Variants in TMEM201 observed in about 807,000 individuals in gnomAD.
TMEM201 encodes transmembrane protein 201.
Under a neutral mutation model 63.4 loss-of-function variants are expected in TMEM201, and 26 were observed. The ratio of observed to expected loss-of-function variants is 0.41; its 90% CI spans 0.30 to 0.57. The LOEUF is 0.57. Among genes scored for constraint, TMEM201 ranks in the 20% least tolerant of loss-of-function variants. The probability of loss-of-function intolerance (pLI) is 0.29; values close to 1 mark genes in which losing one functional copy is unlikely to be tolerated. For missense variants in TMEM201, 794 were observed against 917.7 expected (o/e 0.87, Z 1.74); for synonymous variants, 417 against 421.6 (o/e 0.99, Z 0.14).
intron 1 of TMEM201, among the ~76,000 whole-genome samples, chr1:9,592,805 A>G (rs1319836968): frequency 3.9e-5 from 6 of 152,274 alleles, no homozygotes; most frequent in Non-Finnish European, 7.4e-5. Flanking sequence ...CAGGCTTCCC[A>G]GGGGCTCGGC....
Position 9,605,170 on chromosome 1 carries a change from G to A in TMEM201, c.1161-2387G>A, listed in dbSNP as rs1189058467. Among the ~76,000 whole-genome samples, 4 of 152,162 alleles carry A rather than the reference G, an allele frequency of 2.6e-5. No individual in the cohort carries two copies. The highest frequency in any genetic ancestry group is 2.1e-4 in the South Asian group (1 of 4,824). ...GTCTCAATAAACTGTTGCTTAAAAC[G>A]TGGTCTCTCTCCTTCCACTCCTGAT... On this transcript the variant is annotated intron_variant, in intron 6 of 10. Coordinates refer to ENST00000340381, the MANE Select transcript of TMEM201 (RefSeq NM_001130924.3). This position sits in a 1 kb window ranked among gnomAD's most constrained non-coding sequence, Gnocchi z 5.7.
chr1:9,598,037 C>T (rs888900133), intron 3 of TMEM201, among the ~76,000 whole-genome samples: 1 of 152,176 alleles, frequency 6.6e-6, no homozygotes, highest in Non-Finnish European at 1.5e-5. Flanking sequence ...AGCATTCAAG[C>T]GGAAGGGCAA....
chr1:9,602,537 G>A, intron 6 of TMEM201: 3 of 1,376,858 alleles, frequency 2.2e-6, no homozygotes, highest in Non-Finnish European at 2.8e-6. Context: ...CTGGCCAATG[G>A]CCCTTTCACT....
rs1644360049 is a variant in TMEM201 at position 9,614,076 on chromosome 1, G to A, written c.*993G>A. 1 of 152,178 alleles carries A rather than the reference G, an allele frequency of 6.6e-6. No homozygotes were observed. Among genetic ancestry groups the A allele is most frequent in the African/African-American group, 2.4e-5 (1 of 41,414 alleles). 9.4% of individuals were successfully genotyped at this position (152,178 alleles called of 1,614,324 possible). ...GGCGCTCCCAATGCTGTGAGGCAGCGGGGAGGGACCGTGCACCCGTGGCTA... is the reference window on the plus strand; with the variant it reads ...GGCGCTCCCAATGCTGTGAGGCAGCAGGGAGGGACCGTGCACCCGTGGCTA... On this transcript the variant is annotated 3_prime_UTR_variant, in exon 11 of 11. Coordinates refer to ENST00000340381, the MANE Select transcript of TMEM201 (RefSeq NM_001130924.3).
In TMEM201 at chr1:9,605,934, G is replaced by C. The variant is rs1644234655; in HGVS notation, c.1161-1623G>C. The stretch of plus-strand genomic sequence containing the variant: ...CCAACGGTACTCTCAGGTCACTGGG[G>C]GACCTGGTCACCCTTGGCTGACTCT... On this transcript the variant is annotated intron_variant, in intron 6 of 10. Transcript: ENST00000340381. The surrounding 1 kb of genome is among the most constrained non-coding windows in gnomAD (Gnocchi z 5.7). 6.6e-6 allele frequency among the ~76,000 whole-genome samples: 1 copy of C among 152,168 alleles called. No individual in the cohort carries two copies. The highest frequency in any genetic ancestry group is 2.1e-4 in the South Asian group (1 of 4,828).
intron 4 of TMEM201, among the ~76,000 whole-genome samples, chr1:9,600,431 C>G (rs144025125): frequency 6.6e-6 from 1 of 152,140 alleles, no homozygotes; most frequent in South Asian, 2.1e-4. Flanking sequence ...GCTAGGAGGA[C>G]GAATGCAAGT....
chr1:9,590,669 C>T (rs1356062969), intron 1 of TMEM201, among the ~76,000 whole-genome samples: 2 of 152,148 alleles, frequency 1.3e-5, no homozygotes, highest in African/African-American at 2.4e-5. Context: ...ACGCCCCTGA[C>T]GACACCAGCA....
In TMEM201 at chr1:9,613,647, C is replaced by T. The variant is rs1379402540; in HGVS notation, c.*564C>T. 1 of 152,848 alleles carries T rather than the reference C, an allele frequency of 6.5e-6. No homozygotes were observed. Among genetic ancestry groups the T allele is most frequent in the African/African-American group, 2.4e-5 (1 of 41,438 alleles). The allele number at this position is 152,848 out of a possible 1,614,324, so 9.5% of individuals were successfully genotyped here. ...AAGGGCTCCCGGGATCCTCAGAGCT[C>T]CCAGGTCTGAGCAGCCAAAGGCCCA... On this transcript the variant is annotated 3_prime_UTR_variant, in exon 11 of 11. Transcript: ENST00000340381.
chr1:9,590,031 A>G (rs2100437444), intron 1 of TMEM201, among the ~76,000 whole-genome samples: 1 of 152,068 alleles, frequency 6.6e-6, no homozygotes, highest in East Asian at 1.9e-4. Flanking sequence ...TCCAGGGGGG[A>G]AACGGGGAAA....
intron 1 of TMEM201, among the ~76,000 whole-genome samples, chr1:9,590,186 C>T (rs1643895892): frequency 6.6e-6 from 1 of 152,110 alleles, no homozygotes; most frequent in African/African-American, 2.4e-5. Flanking sequence ...TCCCTGACAA[C>T]CCAAGTCTCT....
At chr1:9,611,942 A>G (rs962940223) in intron 10 of TMEM201, 52 bp downstream of exon 10, 72 of 1,489,906 alleles carry the variant, frequency 4.8e-5, no homozygotes, top group South Asian at 8.1e-5. Context: ...ATCCGAAGCC[A>G]CCATCTCCCC....
rs1026436785 is a variant in TMEM201 at position 9,611,721 on chromosome 1, C to T, written c.1766-32C>T. 1.7e-5 allele frequency: 27 copies of T among 1,550,826 alleles called. 1 individual carries two copies. The highest frequency in any genetic ancestry group is 1.9e-5 in the Non-Finnish European group (22 of 1,146,940). On this transcript the variant is annotated intron_variant, in intron 9 of 10. Transcript: ENST00000340381. ...GTCTGTCCCTGGAGGGAGCCATGAG[C>T]GCCACTGAGAAACACACCCTTCTCT...
Position 9,610,532 on chromosome 1 carries a change from T to C in TMEM201, c.1492T>C (p.Cys498Arg). ...TTACTTCTCTCTTCTGTCGGGGAGC[T>C]GCCCCTCCTCCCCACTCCCTTCCCC... ...SDYFSLLSGS[C>R]PSSPLPSPAP... The change falls in exon 9 of 11, where the codon TGC becomes CGC. Residue 498 changes from cysteine (C) to arginine (R), a missense_variant. Cys to Arg is a radical substitution (Grantham distance 180). Transcript: ENST00000340381. The surrounding 1 kb of genome is among the most constrained non-coding windows in gnomAD (Gnocchi z 4.9). 8 of 1,540,172 alleles carry C rather than the reference T, an allele frequency of 5.2e-6. No individual in the cohort carries two copies. The highest frequency in any genetic ancestry group is 7.0e-6 in the Non-Finnish European group (8 of 1,139,460).
At chr1:9,589,491 G>A (rs1159464254) in intron 1 of TMEM201, among the ~76,000 whole-genome samples, 2 of 152,268 alleles carry the variant, frequency 1.3e-5, no homozygotes, top group Non-Finnish European at 2.9e-5. Context: ...TTACGCTAGA[G>A]CAGCTGAGGG....
chr1:9,589,830 T>A (rs1326489860), intron 1 of TMEM201, among the ~76,000 whole-genome samples: 4 of 152,176 alleles, frequency 2.6e-5, no homozygotes, highest in Non-Finnish European at 4.4e-5. Flanking sequence ...AAAGTGGGGT[T>A]GTGAGAACAT....
chr1:9,611,391 T>C lies in TMEM201; in HGVS notation c.1766-362T>C, dbSNP rs368361311. On this transcript the variant is annotated intron_variant, in intron 9 of 10. Transcript: ENST00000340381. Reference sequence around the variant, plus strand: ...TTTTATATTTTTAGTAGAGACGGGATATCACCATGTTTCCCAGGCTGGTCT... The same window carrying C: ...TTTTATATTTTTAGTAGAGACGGGACATCACCATGTTTCCCAGGCTGGTCT... 6.6e-5 allele frequency among the ~76,000 whole-genome samples: 10 copies of C among 152,298 alleles called. No individual in the cohort carries two copies. In the East Asian group the frequency reaches 1.4e-3, roughly 21 times the overall value.
chr1:9,594,081 A>C (rs1356160680), intron 1 of TMEM201, among the ~76,000 whole-genome samples: 1 of 152,204 alleles, frequency 6.6e-6, no homozygotes, highest in African/African-American at 2.4e-5. Flanking sequence ...GCCTCCCTGC[A>C]TTCTCCTGTA....
intron 5 of TMEM201, 123 bp downstream of exon 5, chr1:9,601,577 T>G: frequency 9.2e-6 from 9 of 973,090 alleles, no homozygotes; most frequent in Non-Finnish European, 1.3e-5. Context: ...ACCATGTCAC[T>G]GGTACAAGGC....
intron 6 of TMEM201, chr1:9,606,400 A>G (rs1362474142): frequency 2.6e-5 from 4 of 152,248 alleles, no homozygotes; most frequent in Non-Finnish European, 1.5e-5. Flanking sequence ...GGAAGGCATT[A>G]GAAAGGTTAC....
Sources: allele counts gnomAD v4.1 joint callset (sites outside exome capture counted in the v4.1 genomes callset), GRCh38; gene constraint gnomAD v4.1.1; non-coding constraint Gnocchi (gnomAD v3.1); transcripts MANE v1.5; gene names NCBI Gene and HGNC (gene_info 2026-07-23, HGNC 2026-07-21).